The following SEC24D variants were observed in gnomAD, a reference collection of about 807,000 sequenced individuals.
SEC24D encodes the protein SEC24 homolog D, COPII component, also known as protein transport protein Sec24D.
A neutral mutation model predicts 116.9 loss-of-function variants in SEC24D; 69 were observed. That is an observed-to-expected ratio of 0.59 (90% CI 0.49 to 0.72). The LOEUF (loss-of-function observed/expected upper bound fraction) is 0.72. Ranked by LOEUF, SEC24D falls within the 30% of genes least tolerant of loss-of-function variation. SEC24D has a pLI of 0.00. For missense variants in SEC24D, 1,131 were observed against 1,264.1 expected (o/e 0.89, Z 1.60); for synonymous variants, 405 against 442.8 (o/e 0.91, Z 1.07).
rs1195556657 is a variant in SEC24D at position 118,731,332 on chromosome 4, T to C, written c.2852A>G (p.His951Arg). The C allele has an allele frequency of 7.4e-6, 12 of 1,613,686 alleles. No individual in the cohort carries two copies. In the South Asian group the frequency reaches 1.3e-4, roughly 18 times the overall value. The change falls in exon 21 of 23, where the codon CAT becomes CGT. Residue 951 changes from histidine (H) to arginine (R), a missense_variant. Physicochemically the swap from His to Arg is conservative, Grantham distance 29. Transcript: ENST00000280551. ...QGIFNVPSFAHINTDMTLLPE... is the reference protein window; with the variant it reads ...QGIFNVPSFARINTDMTLLPE... ...AATACTTACCATATCTGTGTTGATA[T>C]GTGCAAAAGATGGCACATTAAATAT...
At chr4:118,833,477 T>C (rs1192399401) in intron 2 of SEC24D, 102 bp downstream of exon 2, 48 of 775,764 alleles carry the variant, frequency 6.2e-5, no homozygotes, top group Non-Finnish European at 6.2e-5. Flanking sequence ...TTTCATTATA[T>C]AATGATCATT....
intron 22 of SEC24D, among the ~76,000 whole-genome samples, chr4:118,724,692 C>T (rs900542457): frequency 1.3e-5 from 2 of 152,050 alleles, no homozygotes; most frequent in African/African-American, 2.4e-5. Flanking sequence ...GCAGTTTTGT[C>T]ATGAACACTT....
At position 118,744,173 on chromosome 4, in the gene SEC24D, C is replaced by T. The variant is rs763261101; in HGVS notation, c.1825-15G>A. The T allele has an allele frequency of 1.4e-6, 2 of 1,463,646 alleles. No homozygotes were observed. The highest frequency in any genetic ancestry group is 2.4e-5 in the Admixed American group (1 of 42,294). The allele number at this position is 1,463,646 out of a possible 1,614,324, so 90.7% of individuals were successfully genotyped here. A position where few individuals can be genotyped will look rare whatever the true frequency, so the allele number is the denominator to read the frequency against. On this transcript the variant is annotated splice_polypyrimidine_tract_variant and intron_variant, in intron 14 of 22. Transcript: ENST00000280551. ...TGGAAAAGTATCTGGAAAAAAGATG[C>T]AAAAAAAAAGAAAAAATAAAAATTA...
chr4:118,728,588 G>T lies in SEC24D; in HGVS notation c.2931C>A (p.Ile977=). Residue 977 remains isoleucine (I), a synonymous_variant, in exon 22 of 23, where the codon ATC becomes ATA. Transcript: ENST00000280551. ...SQQLRMIMGI[I]QQKRPYSMKL... is the part of the protein sequence containing the mutation. ...TCATTGAATATGGCCTCTTTTGTTG[G>T]ATAATACCCATTATCATTCTGAGTT... 4 of 1,608,310 alleles carry T rather than the reference G, an allele frequency of 2.5e-6. No individual in the cohort carries two copies. The highest frequency in any genetic ancestry group is 3.4e-6 in the Non-Finnish European group (4 of 1,176,066).
At chr4:118,724,762 T>G (rs1725322724) in intron 22 of SEC24D, among the ~76,000 whole-genome samples, 1 of 152,166 alleles carries the variant, frequency 6.6e-6, no homozygotes. Flanking sequence ...ATGATCTGAA[T>G]TGTCATAATT....
intron 6 of SEC24D, 40 bp from the exon 7 acceptor site, chr4:118,805,994 C>T (rs748704260): frequency 1.5e-6 from 2 of 1,305,662 alleles, no homozygotes; most frequent in East Asian, 2.3e-5. Flanking sequence ...AAGTAGGTTC[C>T]AGTTCTTCCC....
At chr4:118,775,345 C>CAAAAAA (rs55740002) in intron 8 of SEC24D, among the ~76,000 whole-genome samples, 2 of 114,524 alleles carry the variant, frequency 1.7e-5, no homozygotes, top group African/African-American at 4.2e-5. Flanking sequence ...AGCAAAAGGT[C>CAAAAAA]AAAAAAAAAA....
chr4:118,754,418 G>A (rs1044166493), intron 11 of SEC24D, among the ~76,000 whole-genome samples: 31 of 151,980 alleles, frequency 2.0e-4, no homozygotes, highest in Admixed American at 1.8e-3. Flanking sequence ...AAATCTCCCC[G>A]ATGCTACCAA....
Position 118,738,332 on chromosome 4 carries a change from G to C in SEC24D, c.2425C>G (p.Leu809Val). ...HQPLKVIREI[L>V]VNQTAHMLAC... Reference sequence around the variant, plus strand: ...AACATATGGGCAGTCTGATTAACTAGAATTTCCCGGATGACCTTCAAAGGC... The same window carrying C: ...AACATATGGGCAGTCTGATTAACTACAATTTCCCGGATGACCTTCAAAGGC... Residue 809 changes from leucine (L) to valine (V), a missense_variant, in exon 19 of 23, where the codon CTA (leucine) becomes GTA (valine). Coordinates refer to ENST00000280551, the MANE Select transcript of SEC24D (RefSeq NM_014822.4). The C allele has an allele frequency of 6.2e-7, 1 of 1,613,548 alleles. No individual in the cohort carries two copies. Among genetic ancestry groups the C allele is most frequent in the Non-Finnish European group, 8.5e-7 (1 of 1,179,592 alleles).
At chr4:118,768,581 G>C (rs921126564) in intron 8 of SEC24D, among the ~76,000 whole-genome samples, 2 of 152,116 alleles carry the variant, frequency 1.3e-5, no homozygotes, top group South Asian at 4.1e-4. Context: ...TTTTAGTAGA[G>C]ACGAGGTTTC....
At chr4:118,789,405 A>G (rs925287318) in intron 8 of SEC24D, among the ~76,000 whole-genome samples, 3 of 152,226 alleles carry the variant, frequency 2.0e-5, no homozygotes, top group Non-Finnish European at 4.4e-5. Flanking sequence ...CACTGACGTA[A>G]CGTATTGGTG....
At chr4:118,772,992 CCTT>C (rs1727972676) in intron 8 of SEC24D, among the ~76,000 whole-genome samples, 1 of 152,132 alleles carries the variant, frequency 6.6e-6, no homozygotes, top group Non-Finnish European at 1.5e-5. Context: ...TACCCACTCT[CCTT>C]ATCTTTCAGC....
At chr4:118,751,931 T>C in intron 13 of SEC24D, 65 bp downstream of exon 13, 3 of 1,117,830 alleles carry the variant, frequency 2.7e-6, no homozygotes, top group Admixed American at 3.9e-5. Context: ...AATGAAACTT[T>C]CTTATTTTTT....
intron 8 of SEC24D, among the ~76,000 whole-genome samples, chr4:118,796,520 T>G (rs1352404441): frequency 1.3e-5 from 2 of 152,146 alleles, no homozygotes; most frequent in Non-Finnish European, 2.9e-5. Flanking sequence ...TTCACTCTGC[T>G]CCCAAAAGGA....
At chr4:118,782,561 C>G (rs986960132) in intron 8 of SEC24D, among the ~76,000 whole-genome samples, 1 of 152,222 alleles carries the variant, frequency 6.6e-6, no homozygotes, top group Non-Finnish European at 1.5e-5. Flanking sequence ...GGGTCAGGGA[C>G]CCACATGAGG....
At chr4:118,793,650 T>C (rs1729048850) in intron 8 of SEC24D, among the ~76,000 whole-genome samples, 1 of 152,210 alleles carries the variant, frequency 6.6e-6, no homozygotes, top group South Asian at 2.1e-4. Context: ...GAGGAACTTC[T>C]TCCTGGTGTT....
intron 8 of SEC24D, among the ~76,000 whole-genome samples, chr4:118,775,345 CAAAAA>C (rs55740002): frequency 8.7e-6 from 1 of 114,530 alleles, no homozygotes; most frequent in African/African-American, 4.2e-5. Flanking sequence ...AGCAAAAGGT[CAAAAA>C]AAAAAAAAAA....
At chr4:118,813,039 T>C (rs114928651) in intron 6 of SEC24D, among the ~76,000 whole-genome samples, 6,660 of 152,308 alleles carry the variant, frequency 0.044, 200 homozygotes, top group Non-Finnish European at 0.064. Context: ...GAGGGAACCT[T>C]TTCCATTTCA....
chr4:118,786,508 G>A (rs1298038152), intron 8 of SEC24D, among the ~76,000 whole-genome samples: 1 of 152,160 alleles, frequency 6.6e-6, no homozygotes, highest in Non-Finnish European at 1.5e-5. Flanking sequence ...AAATTTGACA[G>A]AAGTTAGAAG....
Sources: gnomAD v4.1 joint callset for allele counts (sites outside exome capture counted in the v4.1 genomes callset) on GRCh38, gnomAD v4.1.1 for gene constraint, MANE v1.5 for transcripts, NCBI Gene and HGNC (gene_info 2026-07-23, HGNC 2026-07-21) for gene names.